Variants in ELMO1 observed in about 807,000 individuals in gnomAD.
ELMO1 encodes engulfment and cell motility protein 1.
A neutral mutation model predicts 98.9 loss-of-function variants in ELMO1; 26 were observed. That is an observed-to-expected ratio of 0.26 (90% CI 0.19 to 0.36). The LOEUF is 0.36. ELMO1 is among the 10% of genes least tolerant of loss of function. ELMO1 has a pLI of 1.00. For synonymous variants in ELMO1, 346 were observed against 346.0 expected, an observed-to-expected ratio of 1.00 and a Z score of 0.00; for missense variants, 627 against 935.2, an observed-to-expected ratio of 0.67 and a Z score of 4.30.
intron 2 of ELMO1, among the ~76,000 whole-genome samples, chr7:37,336,343 C>A (rs993524600): frequency 6.6e-6 from 1 of 152,158 alleles, no homozygotes; most frequent in East Asian, 1.9e-4. Flanking sequence ...GTTTCACTAA[C>A]CATTTGTCTC....
Position 37,368,194 on chromosome 7 carries a change from G to A in ELMO1, c.-73-25431C>T, listed in dbSNP as rs1218484576. 4.6e-5 allele frequency among the ~76,000 whole-genome samples: 7 copies of A among 152,176 alleles called. No homozygotes were observed. The East Asian group carries it at 1.4e-3, about 29-fold the overall frequency. On this transcript the variant is annotated intron_variant, in intron 1 of 21. Coordinates refer to ENST00000310758, the MANE Select transcript of ELMO1 (RefSeq NM_014800.11). ...TCTCATTCTAAACATTTTAAGAAGG[G>A]GGGTGGCAAATTTTTCATTATTCAG...
intron 13 of ELMO1, among the ~76,000 whole-genome samples, chr7:37,144,371 G>A (rs987927916): frequency 2.0e-5 from 3 of 151,834 alleles, no homozygotes; most frequent in Non-Finnish European, 2.9e-5. Flanking sequence ...AGAATTTCAC[G>A]CCAAAACATT....
chr7:37,156,199 C>A (rs1788749238), intron 13 of ELMO1, among the ~76,000 whole-genome samples: 1 of 152,174 alleles, frequency 6.6e-6, no homozygotes, highest in South Asian at 2.1e-4. Context: ...ATTTATAGCA[C>A]TAAATGCCCA....
intron 15 of ELMO1, among the ~76,000 whole-genome samples, chr7:37,081,157 C>T (rs989587770): frequency 1.3e-5 from 2 of 152,212 alleles, no homozygotes; most frequent in East Asian, 1.9e-4. Context: ...AATGTTCATC[C>T]CGGTGCTCTT....
intron 16 of ELMO1, among the ~76,000 whole-genome samples, chr7:36,939,599 G>A (rs186543251): frequency 6.6e-6 from 1 of 152,340 alleles, no homozygotes; most frequent in East Asian, 1.9e-4. Flanking sequence ...AGATGAAGTG[G>A]TGAACAGAAT....
intron 15 of ELMO1, among the ~76,000 whole-genome samples, chr7:37,018,128 A>ATTTTTTT (rs34247625): frequency 4.1e-5 from 6 of 144,906 alleles, no homozygotes; most frequent in African/African-American, 1.0e-4. Context: ...ATTAGTTACT[A>ATTTTTTT]TTTTTTTTTT....
intron 16 of ELMO1, among the ~76,000 whole-genome samples, chr7:36,990,792 A>G (rs1398370060): frequency 2.0e-5 from 3 of 152,194 alleles, no homozygotes; most frequent in African/African-American, 7.2e-5. Flanking sequence ...GTTAGGCGGT[A>G]TACATGTATT....
At chr7:37,049,864 G>A (rs557392158) in intron 15 of ELMO1, among the ~76,000 whole-genome samples, 81 of 146,428 alleles carry the variant, frequency 5.5e-4, no homozygotes, top group South Asian at 2.2e-4. Context: ...CACAACCTCC[G>A]ACTCCCAGGT....
chr7:37,256,551 A>AAAGGAAGGAAGG (rs71873823), intron 6 of ELMO1, among the ~76,000 whole-genome samples: 2 of 115,040 alleles, frequency 1.7e-5, no homozygotes, highest in Non-Finnish European at 3.4e-5. Flanking sequence ...AAGAAGGAAG[A>AAAGGAAGGAAGG]AAGGAAGGAA....
chr7:37,374,347 T>C (rs770299018), intron 1 of ELMO1, among the ~76,000 whole-genome samples: 1 of 152,146 alleles, frequency 6.6e-6, no homozygotes, highest in African/African-American at 2.4e-5. Context: ...TTTCTCCATG[T>C]TGTCCGAGAA....
chr7:37,282,198 G>A (rs1338096517), intron 4 of ELMO1, among the ~76,000 whole-genome samples: 1 of 152,198 alleles, frequency 6.6e-6, no homozygotes, highest in Non-Finnish European at 1.5e-5. Context: ...AAGGACAACA[G>A]GAGGTCCACA....
intron 13 of ELMO1, among the ~76,000 whole-genome samples, chr7:37,134,452 G>A (rs575934474): frequency 9.0e-4 from 137 of 151,660 alleles, no homozygotes; most frequent in African/African-American, 3.0e-3. Context: ...CCAGCTACTC[G>A]AGAGGTGGAG....
At chr7:36,873,030 A>G (rs1486396283) in intron 19 of ELMO1, among the ~76,000 whole-genome samples, 1 of 152,114 alleles carries the variant, frequency 6.6e-6, no homozygotes, top group East Asian at 1.9e-4. Context: ...TTCCAAGGAG[A>G]AGCGTCACTT....
intron 18 of ELMO1, 136 bp downstream of exon 18, chr7:36,887,424 G>C: frequency 2.9e-6 from 2 of 679,480 alleles, no homozygotes; most frequent in Non-Finnish European, 4.9e-6. Flanking sequence ...AACCAGAAAC[G>C]ACCTGGACTG....
chr7:37,152,961 G>A (rs973292666), intron 13 of ELMO1, among the ~76,000 whole-genome samples: 1 of 152,136 alleles, frequency 6.6e-6, no homozygotes. Context: ...GGTATCTGCC[G>A]GAGCGGACAC....
chr7:37,346,632 G>A (rs1801023349), intron 1 of ELMO1, among the ~76,000 whole-genome samples: 1 of 152,164 alleles, frequency 6.6e-6, no homozygotes, highest in South Asian at 2.1e-4. Context: ...ACATATCCTA[G>A]CATAAGAATT....
At chr7:37,139,365 C>G (rs1028689534) in intron 13 of ELMO1, among the ~76,000 whole-genome samples, 1 of 152,156 alleles carries the variant, frequency 6.6e-6, no homozygotes, top group Non-Finnish European at 1.5e-5. Flanking sequence ...CAAATAAATT[C>G]AGTAAAGTTT....
At chr7:37,022,135 A>T (rs543569424) in intron 15 of ELMO1, among the ~76,000 whole-genome samples, 66 of 152,350 alleles carry the variant, frequency 4.3e-4, no homozygotes, top group African/African-American at 1.4e-3. Context: ...TCAGTGCAAA[A>T]GGAAAAACAA....
At chr7:36,987,573 C>T (rs888185098) in intron 16 of ELMO1, among the ~76,000 whole-genome samples, 7 of 152,138 alleles carry the variant, frequency 4.6e-5, no homozygotes, top group African/African-American at 1.7e-4. Context: ...ACCCTCAGCC[C>T]GTAATGACCC....
Sources: gnomAD v4.1 joint callset for allele counts (sites outside exome capture counted in the v4.1 genomes callset) on GRCh38, gnomAD v4.1.1 for gene constraint, MANE v1.5 for transcripts, NCBI Gene and HGNC (gene_info 2026-07-23, HGNC 2026-07-21) for gene names.